STOX2: variants seen among roughly 807,000 people sequenced by gnomAD.
STOX2 encodes the protein storkhead box 2.
STOX2 carries 28 observed loss-of-function variants against 60.9 expected under a neutral mutation model. The observed-to-expected ratio is 0.46, with a 90% CI of 0.34 to 0.63. The LOEUF (loss-of-function observed/expected upper bound fraction) is 0.63, where lower values mean the gene tolerates loss of function less well. Among genes scored for constraint, STOX2 ranks in the 30% least tolerant of loss-of-function variants. STOX2 has a pLI of 0.01. For synonymous variants in STOX2, 472 were observed against 463.9 expected, an observed-to-expected ratio of 1.02 and a Z score of -0.22; for missense variants, 1,024 against 1,187.7, an observed-to-expected ratio of 0.86 and a Z score of 2.03.
intron 1 of STOX2, among the ~76,000 whole-genome samples, chr4:183,833,729 T>A (rs1165324899): frequency 6.6e-6 from 1 of 150,772 alleles, no homozygotes; most frequent in Admixed American, 6.7e-5. Context: ...ACGCCTGTAA[T>A]CCCAGCACTT....
At chr4:183,980,010 T>C (rs1732591889) in intron 1 of STOX2, among the ~76,000 whole-genome samples, 1 of 152,344 alleles carries the variant, frequency 6.6e-6, no homozygotes, top group South Asian at 2.1e-4. Context: ...TAGCCACACA[T>C]GCCTAGTAGC....
chr4:183,849,037 G>C (rs1560844163), intron 1 of STOX2, among the ~76,000 whole-genome samples: 1 of 152,116 alleles, frequency 6.6e-6, no homozygotes. Flanking sequence ...GTTCACTCTG[G>C]GCATGTACAC....
chr4:183,840,236 T>G (rs569608149), intron 1 of STOX2, among the ~76,000 whole-genome samples: 3 of 152,344 alleles, frequency 2.0e-5, no homozygotes, highest in African/African-American at 7.2e-5. Flanking sequence ...ATAGACAATG[T>G]GTCTGAAAAG....
chr4:183,995,704 G>A (rs1293500892), intron 1 of STOX2, among the ~76,000 whole-genome samples: 1 of 152,218 alleles, frequency 6.6e-6, no homozygotes, highest in Non-Finnish European at 1.5e-5. Flanking sequence ...TGATTTGTCT[G>A]TATGAAAACA....
At chr4:183,811,928 A>AT (rs529589265) in intron 1 of STOX2, among the ~76,000 whole-genome samples, 2,845 of 129,490 alleles carry the variant, frequency 0.022, 43 homozygotes, top group African/African-American at 0.039. Flanking sequence ...GAAAGCCTGG[A>AT]TTTTTTTTTT....
At chr4:183,987,911 A>G (rs1579509517) in intron 1 of STOX2, 1 of 152,352 alleles carries the variant, frequency 6.6e-6, no homozygotes, top group African/African-American at 2.4e-5. Context: ...AAAATGTGGC[A>G]GGTCTCTAAT....
In STOX2 at chr4:183,798,489, C is replaced by T. The variant is rs367954203; in HGVS notation, c.364+434C>T. On this transcript the variant is annotated intron_variant, in intron 1 of 2. Coordinates refer to the STOX2 transcript ENST00000513034. ...GGCTCGGGTCGCGCGGGGCTCCCAG[C>T]TGGAGCGGCGGCTCAGGTGCGCCCG... Among the ~76,000 whole-genome samples, 567 of 151,922 alleles carry T rather than the reference C, an allele frequency of 3.7e-3. 2 individuals are homozygous for T. The highest frequency in any genetic ancestry group is 0.013 in the African/African-American group (539 of 41,492).
intron 1 of STOX2, among the ~76,000 whole-genome samples, chr4:183,858,701 T>A (rs1299049490): frequency 6.6e-6 from 1 of 152,218 alleles, no homozygotes; most frequent in South Asian, 2.1e-4. Context: ...CCCTCTAGAC[T>A]TTTTCCCGTG....
intron 1 of STOX2, among the ~76,000 whole-genome samples, chr4:183,913,212 G>T (rs551757057): frequency 1.3e-5 from 2 of 152,314 alleles, no homozygotes; most frequent in African/African-American, 4.8e-5. Context: ...ATGAAAATGG[G>T]TGTGTGAAAT....
In STOX2 at chr4:184,005,235, G is replaced by A. The variant is rs944471461; in HGVS notation, c.319+3758G>A. On this transcript the variant is annotated intron_variant, in intron 2 of 3. Transcript: ENST00000308497. ...AGCAATTTGGGAGGCCGAGGTGGGC[G>A]GATCACTTGAGGCCAGGAGTTTGAG... Among the ~76,000 whole-genome samples, 49 of 152,092 alleles carry A rather than the reference G, an allele frequency of 3.2e-4. 2 individuals carry two copies. The highest frequency in any genetic ancestry group is 7.4e-5 in the Non-Finnish European group (5 of 68,012).
At chr4:183,971,084 G>A (rs557168514) in intron 1 of STOX2, among the ~76,000 whole-genome samples, 47 of 152,238 alleles carry the variant, frequency 3.1e-4, no homozygotes, top group African/African-American at 7.7e-4. Flanking sequence ...ATATCTGAGG[G>A]GTTTTTTTGG....
chr4:184,009,058 TG>T lies in STOX2; in HGVS notation c.320-98del. ...TGAATTGTGCATCCTAGCTCTGTGA[TG>T]GTACTTCGCATCTTGGCGAATGAAT... On this transcript the variant is annotated intron_variant, in intron 2 of 3. Transcript: ENST00000308497. The surrounding 1 kb of genome is among the most constrained non-coding windows in gnomAD (Gnocchi z 4.0). The T allele has an allele frequency of 1.1e-6, 1 of 909,378 alleles. No homozygotes were observed. The highest frequency in any genetic ancestry group is 1.6e-6 in the Non-Finnish European group (1 of 607,722). 56.3% of individuals were successfully genotyped at this position (909,378 alleles called of 1,614,324 possible).
intron 2 of STOX2, among the ~76,000 whole-genome samples, chr4:184,008,030 C>T (rs958808721): frequency 2.0e-5 from 3 of 152,158 alleles, no homozygotes; most frequent in African/African-American, 7.2e-5. Context: ...TCCAGCAGCC[C>T]GGCCCCAGCC....
At chr4:183,998,927 C>G (rs1733462230) in intron 1 of STOX2, among the ~76,000 whole-genome samples, 1 of 152,088 alleles carries the variant, frequency 6.6e-6, no homozygotes, top group Non-Finnish European at 1.5e-5. Context: ...GGTGGCCGGA[C>G]TGTAGTCCTA....
At chr4:183,872,775 A>G (rs1018548200) in intron 1 of STOX2, among the ~76,000 whole-genome samples, 5 of 152,030 alleles carry the variant, frequency 3.3e-5, no homozygotes, top group Admixed American at 6.5e-5. Flanking sequence ...CTCATTGGCC[A>G]TCTGCTTATT....
At position 184,019,251 on chromosome 4, in the gene STOX2, T is replaced by G. The variant is rs1377792081; in HGVS notation, c.*1967T>G. 1 of 152,240 alleles carries G rather than the reference T, an allele frequency of 6.6e-6. No individual in the cohort carries two copies. Among genetic ancestry groups the G allele is most frequent in the Non-Finnish European group, 1.5e-5 (1 of 68,046 alleles). 9.4% of individuals were successfully genotyped at this position (152,240 alleles called of 1,614,324 possible). A position where few individuals can be genotyped will look rare whatever the true frequency, so the allele number is the denominator to read the frequency against. On this transcript the variant is annotated 3_prime_UTR_variant, in exon 4 of 4. Transcript: ENST00000308497. Reference sequence around the variant, plus strand: ...TGCTTAAGCCAGTTGGCTTTCAGTCTCATGCCTTATTTCCTCCAAGGCATG... The same window carrying G: ...TGCTTAAGCCAGTTGGCTTTCAGTCGCATGCCTTATTTCCTCCAAGGCATG...
chr4:183,948,027 G>A, intron 1 of STOX2, among the ~76,000 whole-genome samples: 1 of 151,908 alleles, frequency 6.6e-6, no homozygotes, highest in Admixed American at 6.6e-5. Context: ...GACCAGCCTG[G>A]CCAACATGGT....
intron 1 of STOX2, among the ~76,000 whole-genome samples, chr4:183,899,801 A>G (rs533084673): frequency 6.6e-6 from 1 of 152,350 alleles, no homozygotes; most frequent in Non-Finnish European, 1.5e-5. Flanking sequence ...GAAGGTGACT[A>G]TACTAAACAA....
chr4:183,819,044 G>A (rs928974075), intron 1 of STOX2, among the ~76,000 whole-genome samples: 4 of 151,080 alleles, frequency 2.6e-5, no homozygotes, highest in East Asian at 2.0e-4. Flanking sequence ...GGGCAGAGAC[G>A]CTCCTCACTT....
Sources: gnomAD v4.1 joint callset for allele counts (sites outside exome capture counted in the v4.1 genomes callset) on GRCh38, gnomAD v4.1.1 for gene constraint, Gnocchi (gnomAD v3.1) non-coding constraint, MANE v1.5 for transcripts, NCBI Gene and HGNC (gene_info 2026-07-23, HGNC 2026-07-21) for gene names.